The following CSMD3 variants were observed in gnomAD, a reference collection of about 807,000 sequenced individuals.
CSMD3 encodes the protein CUB and sushi domain-containing protein 3.
In CSMD3, 177 loss-of-function variants were observed where a neutral mutation model predicts 435.2. The observed-to-expected ratio is 0.41, with a 90% CI of 0.36 to 0.46. The LOEUF (loss-of-function observed/expected upper bound fraction) is 0.46. Ranked by LOEUF, CSMD3 falls within the 20% of genes least tolerant of loss-of-function variation. The pLI is 0.34. For synonymous variants in CSMD3, 1,656 were observed against 1,520.5 expected (o/e 1.09, Z -2.07); for missense variants, 4,265 against 4,504.6 (o/e 0.95, Z 1.52).
chr8:112,364,539 T>G (rs941196394), intron 38 of CSMD3, among the ~76,000 whole-genome samples: 1 of 152,018 alleles, frequency 6.6e-6, no homozygotes, highest in Non-Finnish European at 1.5e-5. Flanking sequence ...CCCTCTAGGA[T>G]TTGCCATTAG....
chr8:112,999,861 G>A (rs1200877909), intron 6 of CSMD3, among the ~76,000 whole-genome samples: 3 of 151,994 alleles, frequency 2.0e-5, no homozygotes, highest in Non-Finnish European at 4.4e-5. Flanking sequence ...AGAAAGACTG[G>A]AATGAGCAGA....
intron 1 of CSMD3, among the ~76,000 whole-genome samples, chr8:113,342,888 T>G (rs1441492129): frequency 6.6e-6 from 1 of 152,040 alleles, no homozygotes; most frequent in Non-Finnish European, 1.5e-5. Context: ...TGTCCAATGA[T>G]GAATCAACAT....
intron 32 of CSMD3, among the ~76,000 whole-genome samples, chr8:112,427,738 T>C (rs745711390): frequency 3.9e-5 from 6 of 152,188 alleles, no homozygotes; most frequent in Non-Finnish European, 8.8e-5. Flanking sequence ...AGTATATCTT[T>C]CCATCAGCTT....
chr8:112,699,305 G>T (rs994997897), intron 13 of CSMD3, among the ~76,000 whole-genome samples: 27 of 152,252 alleles, frequency 1.8e-4, no homozygotes, highest in African/African-American at 6.5e-4. Context: ...GGACACGTCT[G>T]AACATCTGAA....
At chr8:113,077,008 A>C (rs2089369003) in intron 5 of CSMD3, among the ~76,000 whole-genome samples, 1 of 152,194 alleles carries the variant, frequency 6.6e-6, no homozygotes, top group Non-Finnish European at 1.5e-5. Context: ...CTGTGGCTAT[A>C]GAAGGGTAAT....
chr8:112,920,233 T>C (rs2130614777), intron 10 of CSMD3, among the ~76,000 whole-genome samples: 1 of 151,938 alleles, frequency 6.6e-6, no homozygotes, highest in East Asian at 1.9e-4. Context: ...GGGGAAAGAT[T>C]AGTTTTCATG....
intron 6 of CSMD3, among the ~76,000 whole-genome samples, chr8:112,991,001 G>T (rs547632516): frequency 1.3e-5 from 2 of 151,394 alleles, no homozygotes; most frequent in African/African-American, 4.8e-5. Flanking sequence ...GATTACCTCG[G>T]GTCATCTCTA....
chr8:112,284,928 A>T (rs1819027626), intron 58 of CSMD3, among the ~76,000 whole-genome samples: 2 of 151,984 alleles, frequency 1.3e-5, no homozygotes, highest in South Asian at 4.1e-4. Context: ...TGTTTAAAAT[A>T]GGTGAAAATG....
Position 112,639,620 on chromosome 8 carries a change from T to C in CSMD3, c.3311-709A>G, listed in dbSNP as rs1334483049. On this transcript the variant is annotated intron_variant, in intron 20 of 70. Transcript: ENST00000297405. ...AAGTAACCACTCACTTAACTTCTAATAGCACAAACTAATGTTGCTGCTTTG... is the reference window on the plus strand; with the variant it reads ...AAGTAACCACTCACTTAACTTCTAACAGCACAAACTAATGTTGCTGCTTTG... Among the ~76,000 whole-genome samples the C allele has an allele frequency of 2.0e-5, 3 of 152,294 alleles. No individual in the cohort carries two copies. In the East Asian group the frequency reaches 5.8e-4, roughly 29 times the overall value.
rs115878702 is a variant in CSMD3, at chr8:113,167,697, T to C, written c.709+6025A>G. ...ACACTTGTGAAGTTTTCCTTGTGGA[T>C]TGACATCACTGCAATTTTGTTAGCA... On this transcript the variant is annotated intron_variant, in intron 4 of 70. Transcript: ENST00000297405. 3.1e-3 allele frequency among the ~76,000 whole-genome samples: 471 copies of C among 152,326 alleles called. 3 individuals are homozygous for C. Among genetic ancestry groups the C allele is most frequent in the African/African-American group, 9.6e-3 (398 of 41,576 alleles).
chr8:113,039,772 T>C (rs1382097094), intron 5 of CSMD3, among the ~76,000 whole-genome samples: 1 of 152,116 alleles, frequency 6.6e-6, no homozygotes, highest in African/African-American at 2.4e-5. Flanking sequence ...GCAACAAAAA[T>C]TTTAATAAAA....
intron 5 of CSMD3, among the ~76,000 whole-genome samples, chr8:113,063,598 T>A (rs2088712236): frequency 6.6e-6 from 1 of 151,926 alleles, no homozygotes; most frequent in African/African-American, 2.4e-5. Context: ...TACCATCTTG[T>A]TAGTTTAGTT....
At chr8:113,428,514 A>G (rs1463200009) in intron 1 of CSMD3, among the ~76,000 whole-genome samples, 1 of 151,780 alleles carries the variant, frequency 6.6e-6, no homozygotes, top group African/African-American at 2.4e-5. Context: ...GAAAATGGAG[A>G]TAACAATCTC....
At chr8:113,100,585 G>A (rs920915636) in intron 4 of CSMD3, among the ~76,000 whole-genome samples, 1 of 151,816 alleles carries the variant, frequency 6.6e-6, no homozygotes, top group African/African-American at 2.4e-5. Context: ...ATAACATTCT[G>A]GATCACACTC....
intron 69 of CSMD3, among the ~76,000 whole-genome samples, chr8:112,229,483 C>T (rs1427338063): frequency 6.6e-6 from 1 of 151,830 alleles, no homozygotes; most frequent in East Asian, 1.9e-4. Flanking sequence ...GGCTGCAGTG[C>T]AGTGGAGTGG....
intron 16 of CSMD3, among the ~76,000 whole-genome samples, chr8:112,673,655 T>C (rs1215540860): frequency 6.6e-6 from 1 of 152,152 alleles, no homozygotes; most frequent in Admixed American, 6.6e-5. Flanking sequence ...TGAATGAGAA[T>C]GGCTTCCTTT....
intron 1 of CSMD3, among the ~76,000 whole-genome samples, chr8:113,376,193 T>G (rs1193522259): frequency 6.6e-6 from 1 of 152,148 alleles, no homozygotes; most frequent in Non-Finnish European, 1.5e-5. Context: ...GCAGGATATA[T>G]ATATTTAAAA....
chr8:112,665,588 A>T (rs372804332), intron 17 of CSMD3, among the ~76,000 whole-genome samples: 2 of 152,006 alleles, frequency 1.3e-5, no homozygotes, highest in African/African-American at 4.8e-5. Context: ...TTTTTTGTTC[A>T]TCTGTTTGTT....
intron 4 of CSMD3, among the ~76,000 whole-genome samples, chr8:113,159,875 T>C (rs943528316): frequency 6.6e-6 from 1 of 151,966 alleles, no homozygotes; most frequent in African/African-American, 2.4e-5. Context: ...TGCGTTATTA[T>C]TCCAATGATG....
Sources: gnomAD v4.1 joint callset for allele counts (sites outside exome capture counted in the v4.1 genomes callset) on GRCh38, gnomAD v4.1.1 for gene constraint, MANE v1.5 for transcripts, NCBI Gene and HGNC (gene_info 2026-07-23, HGNC 2026-07-21) for gene names.